The following POU6F2 variants were observed in gnomAD, a reference collection of about 807,000 sequenced individuals.
POU6F2 encodes the protein POU class 6 homeobox 2, also known as POU domain, class 6, transcription factor 2.
POU6F2 carries 31 observed loss-of-function variants against 71.3 expected under a neutral mutation model. The ratio of observed to expected loss-of-function variants is 0.43; its 90% CI spans 0.33 to 0.59. POU6F2 has a LOEUF of 0.59. Ranked by LOEUF, POU6F2 falls within the 20% of genes least tolerant of loss-of-function variation. POU6F2 has a pLI of 0.04. For missense variants in POU6F2, 783 were observed against 856.8 expected, an observed-to-expected ratio of 0.91 and a Z score of 1.07; for synonymous variants, 347 against 355.7, an observed-to-expected ratio of 0.98 and a Z score of 0.27.
intron 4 of POU6F2, among the ~76,000 whole-genome samples, chr7:39,250,152 A>G (rs62453439): frequency 0.099 from 15,097 of 152,154 alleles, 827 homozygotes; most frequent in Middle Eastern, 0.15. Flanking sequence ...CACGTGTCTT[A>G]TTCAGAAAAC....
intron 5 of POU6F2, among the ~76,000 whole-genome samples, chr7:39,395,639 C>A (rs539235087): frequency 1.3e-5 from 2 of 152,332 alleles, no homozygotes; most frequent in East Asian, 3.9e-4. Flanking sequence ...TAGAAAATAT[C>A]TGATAAACAA....
chr7:39,087,358 T>C (rs764474636), intron 2 of POU6F2, among the ~76,000 whole-genome samples: 1 of 152,022 alleles, frequency 6.6e-6, no homozygotes, highest in Non-Finnish European at 1.5e-5. Context: ...GGTACAATAC[T>C]GTTTTATGCT....
rs1784880400 is a variant in POU6F2 at position 39,297,786 on chromosome 7, G to A, written c.599-41856G>A. ...AAGGCTACAGTAACCAAAACAGCAT[G>A]GTACTGGTACCAAAACAGACATACA... is the stretch of plus-strand genomic sequence containing the variant. On this transcript the variant is annotated intron_variant, in intron 4 of 9. Coordinates refer to ENST00000518318, the MANE Select transcript of POU6F2 (RefSeq NM_001370959.1). 2.0e-5 allele frequency among the ~76,000 whole-genome samples: 3 copies of A among 149,266 alleles called. No homozygotes were observed. In the South Asian group the frequency reaches 6.2e-4, roughly 31 times the overall value.
intron 2 of POU6F2, among the ~76,000 whole-genome samples, chr7:39,188,319 A>T (rs771201482): frequency 7.2e-5 from 11 of 152,004 alleles, no homozygotes; most frequent in African/African-American, 2.4e-4. Context: ...ATCTTTTTTT[A>T]AAATTTTTTT....
At chr7:39,303,096 T>C (rs528836365) in intron 4 of POU6F2, among the ~76,000 whole-genome samples, 2 of 152,364 alleles carry the variant, frequency 1.3e-5, no homozygotes, top group African/African-American at 4.8e-5. Flanking sequence ...GCACTGGATA[T>C]TGTAGCACAG....
Position 39,451,526 on chromosome 7 carries a change from C to T in POU6F2, c.1321-7C>T, listed in dbSNP as rs746897021. ...TTTGTGTATTTTTTTTACATCCCCT[C>T]ATGTAGCTCCACCAACCCTCCCAGA... On this transcript the variant is annotated splice_polypyrimidine_tract_variant and splice_region_variant and intron_variant, in intron 7 of 9. Transcript: ENST00000518318. The T allele has an allele frequency of 3.7e-6, 6 of 1,608,994 alleles. No homozygotes were observed. The South Asian group carries it at 5.5e-5, about 15-fold the overall frequency.
At chr7:39,097,945 GA>G (rs1452152856) in intron 2 of POU6F2, among the ~76,000 whole-genome samples, 2 of 152,068 alleles carry the variant, frequency 1.3e-5, no homozygotes, top group African/African-American at 2.4e-5. Flanking sequence ...CCTCATTTGA[GA>G]AAAAAACTAT....
intron 1 of POU6F2, among the ~76,000 whole-genome samples, chr7:39,062,558 G>A (rs765206758): frequency 2.0e-5 from 3 of 150,878 alleles, no homozygotes; most frequent in Non-Finnish European, 2.9e-5. Flanking sequence ...GGGCCTGGCT[G>A]CAAGTAGAGC....
At chr7:39,424,380 G>T (rs1353525899) in intron 6 of POU6F2, among the ~76,000 whole-genome samples, 1 of 152,090 alleles carries the variant, frequency 6.6e-6, no homozygotes, top group Non-Finnish European at 1.5e-5. Flanking sequence ...CAGAGCAGTA[G>T]AAAGAAAAAA....
At chr7:39,358,608 A>C (rs1786306976) in intron 5 of POU6F2, among the ~76,000 whole-genome samples, 1 of 152,244 alleles carries the variant, frequency 6.6e-6, no homozygotes, top group Non-Finnish European at 1.5e-5. Context: ...TTATTAATAA[A>C]GAGATGTTAT....
At chr7:39,064,530 G>C (rs949581245) in intron 1 of POU6F2, among the ~76,000 whole-genome samples, 2 of 151,462 alleles carry the variant, frequency 1.3e-5, no homozygotes, top group African/African-American at 4.8e-5. Context: ...AAATGAAGCA[G>C]AATGACAGAA....
At chr7:39,416,090 G>GCACACA (rs1245211895) in intron 6 of POU6F2, among the ~76,000 whole-genome samples, 4 of 69,964 alleles carry the variant, frequency 5.7e-5, no homozygotes, top group Non-Finnish European at 9.5e-5. Context: ...TCTCTCGAAG[G>GCACACA]CATACACACA....
chr7:39,012,327 T>G (rs909213178), intron 1 of POU6F2, among the ~76,000 whole-genome samples: 7 of 152,150 alleles, frequency 4.6e-5, no homozygotes, highest in East Asian at 1.9e-4. Flanking sequence ...GGCTCCTGAG[T>G]CTTCTGCATT....
intron 4 of POU6F2, among the ~76,000 whole-genome samples, chr7:39,255,402 T>C (rs1784002041): frequency 6.6e-6 from 1 of 152,212 alleles, no homozygotes. Flanking sequence ...ATATGCCTCA[T>C]GGAAAGAAGA....
intron 2 of POU6F2, among the ~76,000 whole-genome samples, chr7:39,142,319 G>A (rs530782736): frequency 4.1e-4 from 62 of 152,294 alleles, no homozygotes; most frequent in Admixed American, 1.0e-3. Context: ...ACATTATACC[G>A]TGAGCCGTAG....
At chr7:39,293,867 G>C (rs2128762853) in intron 4 of POU6F2, among the ~76,000 whole-genome samples, 1 of 152,252 alleles carries the variant, frequency 6.6e-6, no homozygotes, top group East Asian at 1.9e-4. Flanking sequence ...CACTGTCCCT[G>C]GGGAAACTGA....
At chr7:39,444,360 G>A (rs1171229621) in intron 7 of POU6F2, among the ~76,000 whole-genome samples, 3 of 152,202 alleles carry the variant, frequency 2.0e-5, no homozygotes, top group Admixed American at 6.5e-5. Flanking sequence ...GAGGCAGGCA[G>A]ATCGCCTGAG....
At chr7:39,127,836 A>ATTTTTTT (rs70977460) in intron 2 of POU6F2, among the ~76,000 whole-genome samples, 7 of 104,172 alleles carry the variant, frequency 6.7e-5, no homozygotes, top group Admixed American at 1.1e-4. Context: ...AGCCAGTGGA[A>ATTTTTTT]TTTTTTTTTT....
chr7:39,440,503 G>A (rs1391778551), intron 7 of POU6F2, among the ~76,000 whole-genome samples: 1 of 152,034 alleles, frequency 6.6e-6, no homozygotes, highest in Non-Finnish European at 1.5e-5. Context: ...TATGCTTCAC[G>A]AAGTTCTTGT....
Sources: allele counts gnomAD v4.1 joint callset (sites outside exome capture counted in the v4.1 genomes callset), GRCh38; gene constraint gnomAD v4.1.1; transcripts MANE v1.5; gene names NCBI Gene and HGNC (gene_info 2026-07-23, HGNC 2026-07-21).